Variants in CPN1 observed in about 807,000 individuals in gnomAD.
The protein encoded by CPN1 is carboxypeptidase N subunit 1, also known as carboxypeptidase N catalytic chain.
In CPN1, 37 loss-of-function variants were observed where a neutral mutation model predicts 46.4. That is an observed-to-expected ratio of 0.80 (90% CI 0.61 to 1.05). The LOEUF is 1.05. Among genes scored for constraint, CPN1 ranks in the 50% least tolerant of loss-of-function variants. The pLI, the probability that CPN1 is intolerant of heterozygous loss-of-function variation, is 0.00. For missense variants in CPN1, 563 were observed against 602.6 expected, an observed-to-expected ratio of 0.93 and a Z score of 0.69; for synonymous variants, 224 against 235.4, an observed-to-expected ratio of 0.95 and a Z score of 0.44.
In CPN1 at chr10:100,054,285, T is replaced by G. The variant is rs949351881; in HGVS notation, c.1111+62A>C. ...ACTAGCTTACAAACTGGCCCCTTGA[T>G]TATGCTGAAGAAGATGCAGGAGTTA... On this transcript the variant is annotated intron_variant, in intron 7 of 8. Transcript: ENST00000370418. 5.9e-6 allele frequency: 8 copies of G among 1,345,084 alleles called. No individual in the cohort carries two copies. The Admixed American group carries it at 1.3e-4, about 23-fold the overall frequency. The allele number at this position is 1,345,084 out of a possible 1,614,324, so 83.3% of individuals were successfully genotyped here. A position where few individuals can be genotyped will look rare whatever the true frequency, so the allele number is the denominator to read the frequency against.
intron 3 of CPN1, among the ~76,000 whole-genome samples, chr10:100,067,889 C>A (rs927457956): frequency 6.6e-6 from 1 of 151,978 alleles, no homozygotes; most frequent in Non-Finnish European, 1.5e-5. Context: ...TGTGGTGGCT[C>A]ACACCTGTAA....
At chr10:100,067,524 C>A (rs2041461258) in intron 3 of CPN1, among the ~76,000 whole-genome samples, 2 of 152,186 alleles carry the variant, frequency 1.3e-5, no homozygotes, top group African/African-American at 2.4e-5. Context: ...GAGAAAAAAA[C>A]CCCAGAATAC....
At chr10:100,050,693 T>C (rs536124730) in intron 7 of CPN1, among the ~76,000 whole-genome samples, 1 of 152,276 alleles carries the variant, frequency 6.6e-6, no homozygotes, top group East Asian at 1.9e-4. Context: ...GGTGCTATCA[T>C]AGCTCACTGC....
At chr10:100,046,246 A>C (rs968046117) in intron 8 of CPN1, among the ~76,000 whole-genome samples, 26 of 152,242 alleles carry the variant, frequency 1.7e-4, no homozygotes, top group Non-Finnish European at 3.4e-4. Flanking sequence ...GTGGCACAGA[A>C]GAATGCAAGC....
At chr10:100,062,297 G>A (rs2041424108) in intron 5 of CPN1, among the ~76,000 whole-genome samples, 2 of 152,218 alleles carry the variant, frequency 1.3e-5, no homozygotes, top group Admixed American at 1.3e-4. Flanking sequence ...GAAGGCCCAG[G>A]GGATAGAGAC....
At chr10:100,063,921 G>A (rs1304779223) in intron 4 of CPN1, among the ~76,000 whole-genome samples, 196 bp from the exon 5 acceptor site, 1 of 152,048 alleles carries the variant, frequency 6.6e-6, no homozygotes, top group Non-Finnish European at 1.5e-5. Context: ...TATGTAGGTG[G>A]GTATGTGTGA....
intron 6 of CPN1, among the ~76,000 whole-genome samples, chr10:100,055,214 G>T (rs1175077465): frequency 1.3e-5 from 2 of 151,718 alleles, no homozygotes; most frequent in Non-Finnish European, 2.9e-5. Context: ...CTCCAGCCTG[G>T]GCAACAGAGT....
intron 4 of CPN1, among the ~76,000 whole-genome samples, chr10:100,064,624 G>A (rs969016463): frequency 2.0e-5 from 3 of 151,616 alleles, no homozygotes; most frequent in South Asian, 2.1e-4. Context: ...CAGGCAATTC[G>A]TCTGCCTCGG....
rs756808877 is a variant in CPN1 at position 100,063,671 on chromosome 10, C to T, written c.814G>A (p.Gly272Arg). 15 of 1,613,914 alleles carry T rather than the reference C, an allele frequency of 9.3e-6. No individual in the cohort carries two copies. The highest frequency in any genetic ancestry group is 1.6e-4 in the Middle Eastern group (1 of 6,084). ...GTGATGCCATCTGGGAAGTAATCTC[C>T]GCAGTTCCAACCTTGGAACATCCAT... ...HGWMFQGWNC[G>R]DYFPDGITNG... is the part of the protein sequence containing the mutation. Residue 272 changes from glycine to arginine, a missense_variant, in exon 5 of 9, where the codon GGA becomes AGA. Gly to Arg is a moderately radical substitution (Grantham distance 125, BLOSUM62 -2). Coordinates refer to ENST00000370418, the MANE Select transcript of CPN1 (RefSeq NM_001308.3).
intron 1 of CPN1, among the ~76,000 whole-genome samples, chr10:100,079,186 T>C (rs1306357079): frequency 2.0e-5 from 3 of 152,242 alleles, no homozygotes; most frequent in African/African-American, 7.2e-5. Flanking sequence ...AGCACTTATT[T>C]CCATCTGATG....
chr10:100,055,675 C>T (rs1248662976), intron 6 of CPN1, among the ~76,000 whole-genome samples: 1 of 152,178 alleles, frequency 6.6e-6, no homozygotes, highest in Non-Finnish European at 1.5e-5. Context: ...CAGGCATGCG[C>T]CACCACACCC....
At chr10:100,081,284 AAG>A in intron 1 of CPN1, 117 bp downstream of exon 1, 1 of 857,866 alleles carries the variant, frequency 1.2e-6, no homozygotes, top group Non-Finnish European at 1.9e-6. Context: ...CAGGCTGAGA[AAG>A]AGATAATACC....
rs1166430372 is a variant in CPN1 at position 100,076,122 on chromosome 10, A to G, written c.224-15T>C. The G allele has an allele frequency of 2.5e-6, 4 of 1,613,940 alleles. No homozygotes were observed. Among genetic ancestry groups the G allele is most frequent in the Middle Eastern group, 3.3e-4 (2 of 6,078 alleles). On this transcript the variant is annotated splice_polypyrimidine_tract_variant and intron_variant, in intron 1 of 8. Coordinates refer to ENST00000370418, the MANE Select transcript of CPN1 (RefSeq NM_001308.3). ...CTCTGGTTCCACTGCAAGGAAGAGAAAAGATGGGGGAAGCTTGGAAGTGTC... is the reference window on the plus strand; with the variant it reads ...CTCTGGTTCCACTGCAAGGAAGAGAGAAGATGGGGGAAGCTTGGAAGTGTC...
intron 8 of CPN1, 113 bp from the exon 9 acceptor site, chr10:100,042,686 G>A: frequency 7.5e-7 from 1 of 1,328,926 alleles, no homozygotes; most frequent in Non-Finnish European, 1.1e-6. Context: ...ACCCAGAGAA[G>A]CACTGGTGGT....
intron 5 of CPN1, among the ~76,000 whole-genome samples, chr10:100,062,599 T>TG (rs1286657148): frequency 8.1e-5 from 12 of 148,474 alleles, no homozygotes; most frequent in African/African-American, 2.9e-4. Context: ...TATTCTTTCT[T>TG]TTTTTTTTTT....
At chr10:100,077,532 G>T (rs1405839788) in intron 1 of CPN1, among the ~76,000 whole-genome samples, 1 of 152,000 alleles carries the variant, frequency 6.6e-6, no homozygotes, top group Non-Finnish European at 1.5e-5. Flanking sequence ...CACCCGGCTG[G>T]GTTTTACCTA....
rs1430370760 is a variant in CPN1, at chr10:100,046,280, G to GGTCTT, written c.1230+2473_1230+2477dup. 3.3e-5 allele frequency among the ~76,000 whole-genome samples: 5 copies of GGTCTT among 152,174 alleles called. No individual in the cohort carries two copies. The South Asian group carries it at 1.0e-3, about 32-fold the overall frequency. On this transcript the variant is annotated intron_variant, in intron 8 of 8. Transcript: ENST00000370418. ...GCCCGCTGCCTTCTCTGTAAAAACT[G>GGTCTT]GTCTTAAAGAAACCATCAGATTTAG...
chr10:100,069,318 TA>T (rs1325343757), intron 3 of CPN1, among the ~76,000 whole-genome samples: 13 of 152,042 alleles, frequency 8.6e-5, no homozygotes. Context: ...CCGTCTCTAC[TA>T]AAAATACAAA....
intron 6 of CPN1, among the ~76,000 whole-genome samples, chr10:100,056,546 G>A (rs2041385485): frequency 6.6e-6 from 1 of 151,954 alleles, no homozygotes; most frequent in African/African-American, 2.4e-5. Context: ...ACAAATAGTT[G>A]TGCTTGATAA....
Sources: gnomAD v4.1 joint callset for allele counts (sites outside exome capture counted in the v4.1 genomes callset) on GRCh38, gnomAD v4.1.1 for gene constraint, MANE v1.5 for transcripts, NCBI Gene and HGNC (gene_info 2026-07-23, HGNC 2026-07-21) for gene names.